CD160: variants seen among roughly 807,000 people sequenced by gnomAD.
The protein encoded by CD160 is CD160 molecule.
In CD160, 11 loss-of-function variants were observed where a neutral mutation model predicts 19.2. The observed-to-expected ratio is 0.57, with a 90% CI of 0.36 to 0.95. The LOEUF (loss-of-function observed/expected upper bound fraction) is 0.95. Ranked by LOEUF, CD160 falls within the 40% of genes least tolerant of loss-of-function variation. CD160 has a pLI of 0.01. For missense variants in CD160, 182 were observed against 213.2 expected (o/e 0.85, Z 0.91); for synonymous variants, 75 against 81.1 (o/e 0.93, Z 0.40).
chr1:145,720,879 C>T (rs1231265573), intron 1 of CD160, among the ~76,000 whole-genome samples: 2 of 152,342 alleles, frequency 1.3e-5, no homozygotes, highest in East Asian at 1.9e-4. Flanking sequence ...CCAGGACCGC[C>T]TCCGAAGGTG....
chr1:145,737,785 T>G (rs889725956), intron 5 of CD160: 2 of 151,786 alleles, frequency 1.3e-5, no homozygotes, highest in Non-Finnish European at 2.9e-5. Flanking sequence ...CTCTGGCCTT[T>G]TTTTCCTTTT....
intron 3 of CD160, among the ~76,000 whole-genome samples, chr1:145,729,062 G>T (rs1199027976): frequency 6.6e-5 from 10 of 152,112 alleles, no homozygotes; most frequent in African/African-American, 2.4e-4. Flanking sequence ...GCCCTCTATG[G>T]CTATACTGAG....
intron 1 of CD160, among the ~76,000 whole-genome samples, chr1:145,723,869 C>T (rs1245498155): frequency 3.3e-5 from 5 of 152,188 alleles, no homozygotes; most frequent in African/African-American, 4.8e-5. Context: ...TGAGCCACCA[C>T]ACCTGGCCTT....
At chr1:145,735,481 G>A (rs1657444819) in intron 4 of CD160, among the ~76,000 whole-genome samples, 1 of 152,152 alleles carries the variant, frequency 6.6e-6, no homozygotes, top group South Asian at 2.1e-4. Context: ...AGCTACTAGG[G>A]AAGCTGAGGT....
chr1:145,726,175 G>T (rs1553708360), intron 2 of CD160, among the ~76,000 whole-genome samples: 2 of 152,152 alleles, frequency 1.3e-5, no homozygotes, highest in East Asian at 3.8e-4. Flanking sequence ...AAGACAGTGT[G>T]GGGATTCCTC....
In CD160 at chr1:145,728,348, AG is replaced by A; in HGVS notation, c.23del (p.Gly8AlafsTer33). On this transcript the variant is annotated frameshift_variant, in exon 3 of 6. Transcript: ENST00000369288. LOFTEE classifies it high-confidence loss of function. Reference protein sequence around the residue: MLLEPGRGCCALAILLAI... With the variant: MLLEPGRXCCALAILLAI... ...GCAGGATGCTGTTGGAACCCGGCAG[AG>A]GCTGCTGTGCCCTGGCCATCCTGCT... 1 of 1,613,330 alleles carries A rather than the reference AG, an allele frequency of 6.2e-7. No homozygotes were observed. The highest frequency in any genetic ancestry group is 1.1e-5 in the South Asian group (1 of 91,066).
At position 145,736,078 on chromosome 1, in the gene CD160, G is replaced by T; in HGVS notation, c.482G>T (p.Gly161Val). 1 of 1,614,106 alleles carries T rather than the reference G, an allele frequency of 6.2e-7. No individual in the cohort carries two copies. Among genetic ancestry groups the T allele is most frequent in the Non-Finnish European group, 8.5e-7 (1 of 1,179,998 alleles). The change falls in exon 5 of 6, where the codon GGC (glycine) becomes GTC (valine). Residue 161 changes from glycine to valine, a missense_variant. Gly to Val is a moderately radical substitution (Grantham distance 109). Coordinates refer to ENST00000369288, the MANE Select transcript of CD160 (RefSeq NM_007053.4). ...FSHNEGTLSS[G>V]FLQEKVWVML... ...CATAATGAAGGCACTCTCAGTTCAG[G>T]CTTCCTACAAGAAAAGGTCTGGGTA...
At chr1:145,735,384 G>A (rs768986737) in intron 4 of CD160, among the ~76,000 whole-genome samples, 88 of 152,176 alleles carry the variant, frequency 5.8e-4, no homozygotes, top group Non-Finnish European at 1.0e-3. Flanking sequence ...CCAGGAGTTC[G>A]AGACCAGCCT....
chr1:145,735,439 G>A (rs1468175990), intron 4 of CD160, among the ~76,000 whole-genome samples: 1 of 152,002 alleles, frequency 6.6e-6, no homozygotes, highest in Non-Finnish European at 1.5e-5. Flanking sequence ...TACAAAAATT[G>A]GCTGGGCGTG....
chr1:145,731,062 T>C lies in CD160; in HGVS notation c.392T>C (p.Leu131Pro), dbSNP rs1222883398. ...CTTCAGGGCCATTTTTTCTCCATTCTATTCACAGGTGAGTGCTCAAATACT... is the reference window on the plus strand; with the variant it reads ...CTTCAGGGCCATTTTTTCTCCATTCCATTCACAGGTGAGTGCTCAAATACT... ...IRLQGHFFSI[L>P]FTETGNYTVT... The change falls in exon 4 of 6, where the codon CTA becomes CCA. Residue 131 changes from leucine to proline, a missense_variant. Coordinates refer to ENST00000369288, the MANE Select transcript of CD160 (RefSeq NM_007053.4). The C allele has an allele frequency of 1.2e-6, 2 of 1,613,072 alleles. No individual in the cohort carries two copies.
chr1:145,739,137 T>C lies in CD160; in HGVS notation c.*644T>C, dbSNP rs183096604. 2.8e-4 allele frequency: 43 copies of C among 152,388 alleles called. No individual in the cohort carries two copies. The East Asian group carries it at 5.0e-3, about 18-fold the overall frequency. 9.4% of individuals were successfully genotyped at this position (152,388 alleles called of 1,614,324 possible). ...CTCTTTGGTCATTTCTCTTTTTAAA[T>C]AAATGCCCATAGCAGTATTTGGAGT... On this transcript the variant is annotated 3_prime_UTR_variant, in exon 6 of 6. Transcript: ENST00000369288.
At chr1:145,720,668 G>A (rs1163024538) in intron 1 of CD160, among the ~76,000 whole-genome samples, 4 of 152,196 alleles carry the variant, frequency 2.6e-5, no homozygotes, top group Non-Finnish European at 2.9e-5. Flanking sequence ...GGGCTCCGGT[G>A]GCAGAGGAAA....
intron 1 of CD160, among the ~76,000 whole-genome samples, chr1:145,723,817 C>G (rs1466998164): frequency 6.6e-6 from 1 of 152,106 alleles, no homozygotes; most frequent in South Asian, 2.1e-4. Flanking sequence ...CTCCTGACCT[C>G]AGGTGATCCG....
At chr1:145,728,499 CTCT>C in intron 3 of CD160, 99 bp downstream of exon 3, 10 of 447,480 alleles carry the variant, frequency 2.2e-5, no homozygotes, top group East Asian at 8.2e-5. Context: ...AAACAAAGGA[CTCT>C]TTTTTTTTTT....
At chr1:145,733,179 G>C (rs587639636) in intron 4 of CD160, among the ~76,000 whole-genome samples, 1 of 152,028 alleles carries the variant, frequency 6.6e-6, no homozygotes, top group East Asian at 1.9e-4. Flanking sequence ...TGTGGTCCGG[G>C]CTGGAGAGCA....
chr1:145,724,907 G>A lies in CD160; in HGVS notation c.-73+1G>A, dbSNP rs1438839773. 2 of 151,784 alleles carry A rather than the reference G, an allele frequency of 1.3e-5. No homozygotes were observed. Among genetic ancestry groups the A allele is most frequent in the Non-Finnish European group, 1.5e-5 (1 of 68,006 alleles). 9.4% of individuals were successfully genotyped at this position (151,784 alleles called of 1,614,324 possible). A position where few individuals can be genotyped will look rare whatever the true frequency, so the allele number is the denominator to read the frequency against. On this transcript the variant is annotated splice_donor_variant, in intron 2 of 5. Transcript: ENST00000369288. LOFTEE classifies it low-confidence loss of function (5UTR_SPLICE). ...GTCTCTTGAGTAGCTGGGACTTCAG[G>A]TACGCACCACCACACGTGGCTAATT... is the stretch of plus-strand genomic sequence containing the variant.
intron 4 of CD160, among the ~76,000 whole-genome samples, chr1:145,734,621 G>C (rs375270452): frequency 6.6e-6 from 1 of 152,224 alleles, no homozygotes; most frequent in Non-Finnish European, 1.5e-5. Context: ...GTATAACACA[G>C]TCCTTGCTCC....
chr1:145,722,758 A>T (rs1553707977), intron 1 of CD160, among the ~76,000 whole-genome samples: 1 of 151,768 alleles, frequency 6.6e-6, no homozygotes, highest in Admixed American at 6.6e-5. Context: ...CGCCCGGCTA[A>T]TTTTTTGTAT....
chr1:145,726,560 A>T (rs1553708415), intron 2 of CD160, among the ~76,000 whole-genome samples: 1 of 152,160 alleles, frequency 6.6e-6, no homozygotes. Flanking sequence ...GGTGGGGAAC[A>T]TCACACACCG....
Sources: allele counts gnomAD v4.1 joint callset (sites outside exome capture counted in the v4.1 genomes callset), GRCh38; gene constraint gnomAD v4.1.1; transcripts MANE v1.5; gene names NCBI Gene and HGNC (gene_info 2026-07-23, HGNC 2026-07-21).